The following KLF16 variants were observed in gnomAD, a reference collection of about 807,000 sequenced individuals.
The protein encoded by KLF16 is Krueppel-like factor 16.
In KLF16, 6 loss-of-function variants were observed where a neutral mutation model predicts 6.1. That is an observed-to-expected ratio of 0.98 (90% CI 0.54 to 1.93). The LOEUF is 1.93. Ranked by LOEUF, KLF16 falls within the 30% of genes most tolerant of loss-of-function variation. The pLI is 0.01. For missense variants in KLF16, 355 were observed against 363.8 expected, an observed-to-expected ratio of 0.98 and a Z score of 0.20; for synonymous variants, 211 against 176.5, an observed-to-expected ratio of 1.20 and a Z score of -1.55.
the KLF16 span, among the ~76,000 whole-genome samples, chr19:1,869,452 C>T: frequency 1.3e-5 from 2 of 152,266 alleles, no homozygotes; most frequent in African/African-American, 4.8e-5. Context: ...TGCACTCCAG[C>T]CTGTGTGAAA....
the KLF16 span, among the ~76,000 whole-genome samples, chr19:1,869,370 C>T: frequency 6.6e-6 from 1 of 152,204 alleles, no homozygotes; most frequent in African/African-American, 2.4e-5. Context: ...ATCCCAGCTA[C>T]TCAGGAGGCT....
In KLF16 at chr19:1,863,146, C is replaced by T; in HGVS notation, c.352G>A (p.Ala118Thr). ...CTCTTGGCGGCGGCGGAGGGCGCGG[C>T]GCCGGGGGCGCGGCCCGAGGACGGG... ...SSPSSGRAPG[A>T]APSAAAKSHR... is the part of the protein sequence containing the mutation. The change falls in exon 1 of 2, where the codon GCC becomes ACC. Residue 118 changes from alanine to threonine, a missense_variant. Transcript: ENST00000250916. 1 of 1,315,384 alleles carries T rather than the reference C, an allele frequency of 7.6e-7. No homozygotes were observed. The highest frequency in any genetic ancestry group is 3.0e-5 in the Admixed American group (1 of 32,912). 81.5% of individuals were successfully genotyped at this position (1,315,384 alleles called of 1,614,324 possible).
intron 1 of KLF16, among the ~76,000 whole-genome samples, chr19:1,856,559 G>C (rs1463494919): frequency 6.6e-6 from 1 of 152,144 alleles, no homozygotes; most frequent in East Asian, 1.9e-4. Flanking sequence ...TCTCCCCCAA[G>C]CAACCCAGGA....
Position 1,854,149 on chromosome 19 carries a change from G to C in KLF16, c.*310C>G. The C allele has an allele frequency of 3.1e-6, 1 of 324,164 alleles. No homozygotes were observed. Among genetic ancestry groups the C allele is most frequent in the East Asian group, 5.3e-5 (1 of 18,992 alleles). The allele number at this position is 324,164 out of a possible 1,614,324, so 20.1% of individuals were successfully genotyped here. A position where few individuals can be genotyped will look rare whatever the true frequency, so the allele number is the denominator to read the frequency against. On this transcript the variant is annotated 3_prime_UTR_variant, in exon 2 of 2. Coordinates refer to ENST00000250916, the MANE Select transcript of KLF16 (RefSeq NM_031918.4). ...CAAACCCCACCCCGGGAGGGGGGCA[G>C]CAGGGGGTGGTGGAGAGGAGAGGGG...
chr19:1,858,471 G>A (rs565773317), intron 1 of KLF16, among the ~76,000 whole-genome samples: 1 of 152,270 alleles, frequency 6.6e-6, no homozygotes, highest in African/African-American at 2.4e-5. Context: ...CTGCACCCCT[G>A]CACTCCAGTG....
chr19:1,876,293 G>A, the KLF16 span: 1 of 152,468 alleles, frequency 6.6e-6, no homozygotes, highest in African/African-American at 2.4e-5. Flanking sequence ...AGAGCTAGCT[G>A]GATGCAGCTT....
the KLF16 span, among the ~76,000 whole-genome samples, chr19:1,872,948 C>A: frequency 1.3e-5 from 2 of 152,072 alleles, no homozygotes; most frequent in African/African-American, 2.4e-5. Flanking sequence ...GGCGGCCCTG[C>A]ACTCCCACCT....
At chr19:1,856,900 G>T (rs566396776) in intron 1 of KLF16, among the ~76,000 whole-genome samples, 2 of 143,646 alleles carry the variant, frequency 1.4e-5, no homozygotes, top group Admixed American at 1.5e-4. Flanking sequence ...GGCGGGGCTG[G>T]TCTCCACTCC....
intron 1 of KLF16, among the ~76,000 whole-genome samples, 171 bp from the exon 2 acceptor site, chr19:1,854,931 G>A (rs1024518645): frequency 1.3e-5 from 2 of 151,990 alleles, no homozygotes; most frequent in African/African-American, 2.4e-5. Flanking sequence ...ACCCTTACCC[G>A]CCCCCCGGTG....
the KLF16 span, chr19:1,874,746 CAAAAAAAAAAA>C: frequency 0.034 from 1,423 of 41,986 alleles, 28 homozygotes; most frequent in African/African-American, 0.1. Context: ...GTCAGAGTCC[CAAAAAAAAAAA>C]AAAAAAAAAA....
the KLF16 span, among the ~76,000 whole-genome samples, chr19:1,870,302 G>A: frequency 6.6e-6 from 1 of 152,106 alleles, no homozygotes; most frequent in Non-Finnish European, 1.5e-5. Flanking sequence ...AATGACAATG[G>A]CAGCACGGCA....
chr19:1,869,964 C>T, the KLF16 span, among the ~76,000 whole-genome samples: 2 of 125,264 alleles, frequency 1.6e-5, no homozygotes, highest in African/African-American at 3.3e-5. Context: ...GACGGAGTCT[C>T]CCTCTGTCGC....
chr19:1,866,706 G>A (rs1187053112), upstream of KLF16, among the ~76,000 whole-genome samples: 1 of 148,770 alleles, frequency 6.7e-6, no homozygotes. Context: ...AGCCCAGGAG[G>A]TCAAGGCTGC....
chr19:1,857,909 G>A lies in KLF16; in HGVS notation c.458-3149C>T, dbSNP rs1030483825. 6.6e-6 allele frequency among the ~76,000 whole-genome samples: 1 copy of A among 152,038 alleles called. No homozygotes were observed. Among genetic ancestry groups the A allele is most frequent in the African/African-American group, 2.4e-5 (1 of 41,368 alleles). On this transcript the variant is annotated intron_variant, in intron 1 of 1. Coordinates refer to ENST00000250916, the MANE Select transcript of KLF16 (RefSeq NM_031918.4). This position sits in a 1 kb window ranked among gnomAD's most constrained non-coding sequence, Gnocchi z 4.7. The stretch of plus-strand genomic sequence containing the variant: ...AACCTATAGGCAGCTGCTTCTGGGA[G>A]CCGCTGCAGAAAAGGGGGAACACTG...
upstream of KLF16, among the ~76,000 whole-genome samples, chr19:1,868,177 A>G (rs1029525302): frequency 1.3e-5 from 2 of 152,026 alleles, no homozygotes; most frequent in Non-Finnish European, 2.9e-5. Context: ...ATGAAAATTC[A>G]TCTTCTAAAT....
At chr19:1,875,208 C>A in the KLF16 span, 1 of 152,182 alleles carries the variant, frequency 6.6e-6, no homozygotes, top group African/African-American at 2.4e-5. Context: ...GGGCAAAAAA[C>A]GGTTTGTACA....
At chr19:1,869,261 C>G in the KLF16 span, among the ~76,000 whole-genome samples, 1 of 152,226 alleles carries the variant, frequency 6.6e-6, no homozygotes, top group African/African-American at 2.4e-5. Flanking sequence ...TGGATCACTT[C>G]AGGTCAGAAG....
chr19:1,859,990 G>T (rs893188536), intron 1 of KLF16, among the ~76,000 whole-genome samples: 1 of 152,140 alleles, frequency 6.6e-6, no homozygotes, highest in Non-Finnish European at 1.5e-5. Flanking sequence ...AAATGTCTCG[G>T]TAAGTGCGGA....
intron 1 of KLF16, among the ~76,000 whole-genome samples, chr19:1,859,956 C>A (rs533147914): frequency 3.0e-4 from 45 of 152,198 alleles, no homozygotes; most frequent in Non-Finnish European, 6.0e-4. Context: ...AGGACAGCCC[C>A]TCCCCAGAAA....
Sources: gnomAD v4.1 joint callset for allele counts (sites outside exome capture counted in the v4.1 genomes callset) on GRCh38, gnomAD v4.1.1 for gene constraint, Gnocchi (gnomAD v3.1) non-coding constraint, MANE v1.5 for transcripts, NCBI Gene and HGNC (gene_info 2026-07-23, HGNC 2026-07-21) for gene names.